The following RYK variants were observed in gnomAD, a reference collection of about 807,000 sequenced individuals.
RYK encodes the protein inactive tyrosine-protein kinase RYK.
RYK carries 21 observed loss-of-function variants against 70.2 expected under a neutral mutation model. The ratio of observed to expected loss-of-function variants is 0.30; its 90% CI spans 0.21 to 0.43. RYK has a LOEUF of 0.43. Ranked by LOEUF, RYK falls within the 20% of genes least tolerant of loss-of-function variation. The pLI is 1.00. For synonymous variants in RYK, 267 were observed against 278.0 expected (o/e 0.96, Z 0.39); for missense variants, 604 against 753.3 (o/e 0.80, Z 2.32).
chr3:134,250,708 C>CCACCCCCGGCCCCGAGCCGCT lies in RYK; in HGVS notation c.-75_-55dup, dbSNP rs2015597960. On this transcript the variant is annotated 5_prime_UTR_variant, in exon 1 of 15. Coordinates refer to ENST00000623711, the MANE Select transcript of RYK (RefSeq NM_002958.4). The stretch of plus-strand genomic sequence containing the variant: ...CGTCGGCCGCCCGCCGCACCGCCGC[C>CCACCCCCGGCCCCGAGCCGCT]CACCCCCGGCCCCGAGCCGCTCACA... 2.3e-6 allele frequency: 2 copies of CCACCCCCGGCCCCGAGCCGCT among 884,496 alleles called. No individual in the cohort carries two copies. Among genetic ancestry groups the CCACCCCCGGCCCCGAGCCGCT allele is most frequent in the Non-Finnish European group, 2.7e-6 (2 of 739,366 alleles). 54.8% of individuals were successfully genotyped at this position (884,496 alleles called of 1,614,324 possible).
intron 13 of RYK, among the ~76,000 whole-genome samples, chr3:134,173,098 A>G (rs1397792753): frequency 1.3e-5 from 2 of 152,178 alleles, no homozygotes; most frequent in Non-Finnish European, 2.9e-5. Context: ...TATTTTGAAG[A>G]TATATAAAAT....
chr3:134,217,195 C>G (rs984361946), intron 2 of RYK, among the ~76,000 whole-genome samples: 2 of 152,162 alleles, frequency 1.3e-5, no homozygotes, highest in South Asian at 2.1e-4. Flanking sequence ...TATCAGGGAG[C>G]CTGCAGATCT....
Position 134,195,089 on chromosome 3 carries a change from A to G in RYK, c.882T>C (p.Pro294=). ...AATTAAATTAACTCTTACTGGTGAT[A>G]GGAGTTGCATTGTTGGGCGTGTCTG... ...LRADTPNNAT[P]ITSYPTLRIE... Residue 294 remains proline (P), a synonymous_variant, in exon 7 of 15, where the codon CCT becomes CCC. Coordinates refer to ENST00000623711, the MANE Select transcript of RYK (RefSeq NM_002958.4). The G allele has an allele frequency of 6.2e-7, 1 of 1,608,560 alleles. No individual in the cohort carries two copies.
chr3:134,198,996 C>T (rs1327130448), intron 6 of RYK, among the ~76,000 whole-genome samples: 1 of 152,200 alleles, frequency 6.6e-6, no homozygotes, highest in Non-Finnish European at 1.5e-5. Flanking sequence ...TTCCCACAGT[C>T]ACAAACTAAC....
In RYK at chr3:134,178,062, GGAA is replaced by G; in HGVS notation, c.1181_1183del (p.Leu394del). The stretch of plus-strand genomic sequence containing the variant: ...TTCTTCTATACACACATGAGTAATA[GGAA>G]GAAGATTTCTATAAAATAATAAAAA... On this transcript the variant is annotated inframe_deletion, in exon 11 of 15. Coordinates refer to ENST00000623711, the MANE Select transcript of RYK (RefSeq NM_002958.4). The G allele has an allele frequency of 1.9e-6, 3 of 1,567,230 alleles. No individual in the cohort carries two copies. The highest frequency in any genetic ancestry group is 1.4e-5 in the African/African-American group (1 of 72,502).
chr3:134,219,339 T>C (rs2014661935), intron 2 of RYK, among the ~76,000 whole-genome samples: 2 of 152,186 alleles, frequency 1.3e-5, no homozygotes, highest in South Asian at 2.1e-4. Flanking sequence ...GTATTTTAAC[T>C]GTTTTAAAGG....
At chr3:134,175,830 C>G (rs547788135) in intron 12 of RYK, 62 bp from the exon 13 acceptor site, 1 of 1,581,400 alleles carries the variant, frequency 6.3e-7, no homozygotes, top group African/African-American at 1.3e-5. Flanking sequence ...GGATCATCAC[C>G]ACCCTTAAAT....
chr3:134,191,931 G>T lies in RYK; in HGVS notation c.933C>A (p.Val311=), dbSNP rs768783642. The T allele has an allele frequency of 1.7e-5, 27 of 1,613,282 alleles. No homozygotes were observed. The highest frequency in any genetic ancestry group is 2.3e-5 in the Non-Finnish European group (27 of 1,179,620). The change falls in exon 8 of 15, where the codon GTC becomes GTA. Residue 311 remains valine, a synonymous_variant. Transcript: ENST00000623711. The stretch of plus-strand genomic sequence containing the variant: ...CCTTGCCTTTGGCCTCCAAAAGAGT[G>T]ACACTTCTCAAGTCGTTCTTCTCTA... ...LRIEKNDLRS[V]TLLEAKGKVK...
chr3:134,244,962 C>T (rs1025345729), intron 1 of RYK, among the ~76,000 whole-genome samples: 3 of 152,180 alleles, frequency 2.0e-5, no homozygotes, highest in Non-Finnish European at 4.4e-5. Flanking sequence ...AAAGCAGTAT[C>T]CATAAACCAG....
chr3:134,181,332 T>C (rs1486992006), intron 10 of RYK: 2 of 152,236 alleles, frequency 1.3e-5, no homozygotes, highest in East Asian at 1.9e-4. Flanking sequence ...CAACTTTTAG[T>C]GTTTCCTTCA....
At chr3:134,242,805 G>T (rs1036366642) in intron 1 of RYK, among the ~76,000 whole-genome samples, 19 of 152,120 alleles carry the variant, frequency 1.2e-4, no homozygotes, top group Non-Finnish European at 2.4e-4. Flanking sequence ...TGACTCACAG[G>T]GGACAGGTTT....
intron 1 of RYK, among the ~76,000 whole-genome samples, chr3:134,247,760 T>A (rs752259503): frequency 6.6e-6 from 1 of 152,134 alleles, no homozygotes; most frequent in Non-Finnish European, 1.5e-5. Context: ...TTAACTGGAT[T>A]AAAACAATTT....
Position 134,186,889 on chromosome 3 carries a change from T to TAA in RYK, c.1102+1946_1102+1947dup, listed in dbSNP as rs66714746. ...AAATATTTGAATTAAGGAGTTTCCTTAAAAAAAAAATGAGAAAAGAGTAAC... is the reference window on the plus strand; with the variant it reads ...AAATATTTGAATTAAGGAGTTTCCTTAAAAAAAAAAAATGAGAAAAGAGTAAC... On this transcript the variant is annotated intron_variant, in intron 9 of 14. Transcript: ENST00000623711. Among the ~76,000 whole-genome samples, 76 of 149,282 alleles carry TAA rather than the reference T, an allele frequency of 5.1e-4. 1 individual carries two copies. The highest frequency in any genetic ancestry group is 1.9e-3 in the South Asian group (9 of 4,730).
intron 2 of RYK, among the ~76,000 whole-genome samples, chr3:134,215,674 G>A (rs1303251065): frequency 6.6e-6 from 1 of 152,158 alleles, no homozygotes; most frequent in East Asian, 1.9e-4. Context: ...TAAATGTACA[G>A]TCTACTGGGA....
At chr3:134,172,192 G>A (rs576167786) in intron 13 of RYK, among the ~76,000 whole-genome samples, 4 of 152,054 alleles carry the variant, frequency 2.6e-5, no homozygotes, top group South Asian at 2.1e-4. Context: ...CCAAAGAGAC[G>A]AGTGAATCCA....
chr3:134,186,077 A>G (rs1050554958), intron 9 of RYK, among the ~76,000 whole-genome samples: 4 of 152,220 alleles, frequency 2.6e-5, no homozygotes, highest in Admixed American at 1.3e-4. Flanking sequence ...GATGCACAAA[A>G]TGATTTTTAA....
chr3:134,219,647 T>C (rs2014676667), intron 2 of RYK, among the ~76,000 whole-genome samples: 1 of 152,208 alleles, frequency 6.6e-6, no homozygotes, highest in Non-Finnish European at 1.5e-5. Context: ...TTTTGGAGAA[T>C]ATAAGAAGCT....
intron 1 of RYK, among the ~76,000 whole-genome samples, chr3:134,246,777 T>C (rs976657082): frequency 6.6e-6 from 1 of 152,094 alleles, no homozygotes; most frequent in Admixed American, 6.6e-5. Context: ...TGAGGATACA[T>C]ACATAGTAGC....
intron 13 of RYK, among the ~76,000 whole-genome samples, chr3:134,172,567 AAAATC>A (rs1217788684): frequency 6.6e-6 from 1 of 152,232 alleles, no homozygotes; most frequent in African/African-American, 2.4e-5. Context: ...GCATTGGTCT[AAAATC>A]AAACTCTGCT....
Sources: allele counts gnomAD v4.1 joint callset (sites outside exome capture counted in the v4.1 genomes callset), GRCh38; gene constraint gnomAD v4.1.1; transcripts MANE v1.5; gene names NCBI Gene and HGNC (gene_info 2026-07-23, HGNC 2026-07-21).